Variants in TTC28 observed in about 807,000 individuals in gnomAD.
TTC28 encodes tetratricopeptide repeat domain 28, also known as tetratricopeptide repeat protein 28.
Under a neutral mutation model 198.0 loss-of-function variants are expected in TTC28, and 61 were observed. The observed-to-expected ratio is 0.31, with a 90% confidence interval of 0.25 to 0.38. TTC28 has a LOEUF of 0.38. TTC28 is among the 10% of genes least tolerant of loss of function. The pLI, the probability that TTC28 is intolerant of heterozygous loss-of-function variation, is 1.00. For missense variants in TTC28, 2,678 were observed against 3,164.0 expected (o/e 0.85, Z 3.69); for synonymous variants, 1,171 against 1,297.8 (o/e 0.90, Z 2.10).
At chr22:28,594,929 T>C (rs1165190036) in intron 2 of TTC28, among the ~76,000 whole-genome samples, 1 of 152,206 alleles carries the variant, frequency 6.6e-6, no homozygotes, top group African/African-American at 2.4e-5. Context: ...CTGGGGGTTA[T>C]AGTACATTAC....
At chr22:28,614,348 T>C (rs2050867257) in intron 2 of TTC28, among the ~76,000 whole-genome samples, 3 of 152,332 alleles carry the variant, frequency 2.0e-5, no homozygotes, top group East Asian at 3.9e-4. Flanking sequence ...AGAATCAATA[T>C]TGTGAAAATG....
At chr22:28,206,412 T>C (rs773530207) in intron 5 of TTC28, among the ~76,000 whole-genome samples, 1 of 152,178 alleles carries the variant, frequency 6.6e-6, no homozygotes, top group Non-Finnish European at 1.5e-5. Flanking sequence ...TTTCTAATCA[T>C]CTTTCAACTA....
chr22:28,151,612 G>C (rs1253606299), intron 6 of TTC28, among the ~76,000 whole-genome samples: 1 of 152,196 alleles, frequency 6.6e-6, no homozygotes, highest in Non-Finnish European at 1.5e-5. Flanking sequence ...CGATAGGTGT[G>C]GGGCACAGCA....
In TTC28 at chr22:28,101,241, T is replaced by C; in HGVS notation, c.3347A>G (p.Glu1116Gly). 1 of 1,551,754 alleles carries C rather than the reference T, an allele frequency of 6.4e-7. No individual in the cohort carries two copies. Among genetic ancestry groups the C allele is most frequent in the South Asian group, 1.2e-5 (1 of 83,910 alleles). ...LAEQLGRRED[E>G]AKIRHGLGLS... ...GCCAAGGCCATGGCGAATTTTTGCCTCATCTTCTCTTCGGCCCAGTTGCTC... is the reference window on the plus strand; with the variant it reads ...GCCAAGGCCATGGCGAATTTTTGCCCCATCTTCTCTTCGGCCCAGTTGCTC... The change falls in exon 9 of 23, where the codon GAG (glutamate) becomes GGG (glycine). Residue 1116 changes from glutamate (E) to glycine (G), a missense_variant. By Grantham distance (98) the Glu-to-Gly change is moderately conservative. Around this residue, in one of 8 missense-constraint regions of TTC28, gnomAD observed 727 missense variants for 861.9 expected, o/e 0.84. Transcript: ENST00000397906.
At chr22:28,633,584 T>C (rs2051215960) in intron 1 of TTC28, among the ~76,000 whole-genome samples, 1 of 152,052 alleles carries the variant, frequency 6.6e-6, no homozygotes, top group Non-Finnish European at 1.5e-5. Flanking sequence ...GCTGTGATCA[T>C]GCCACTTGCA....
In TTC28 at chr22:28,271,987, T is replaced by A. The variant is rs1048471045; in HGVS notation, c.933+24211A>T. ...TGTTATGTAAGACATGCCTTTTGCCTTCCGCCATGATTGTGAGGCCTTCCC... is the reference window on the plus strand; with the variant it reads ...TGTTATGTAAGACATGCCTTTTGCCATCCGCCATGATTGTGAGGCCTTCCC... On this transcript the variant is annotated intron_variant, in intron 5 of 22. Coordinates refer to ENST00000397906, the MANE Select transcript of TTC28 (RefSeq NM_001145418.2). Among the ~76,000 whole-genome samples the A allele has an allele frequency of 1.4e-4, 22 of 152,206 alleles. 1 individual carries two copies. The highest frequency in any genetic ancestry group is 3.2e-3 in the Middle Eastern group (1 of 316).
intron 5 of TTC28, among the ~76,000 whole-genome samples, chr22:28,171,435 T>C (rs1922662893): frequency 1.3e-5 from 2 of 152,284 alleles, no homozygotes; most frequent in Middle Eastern, 3.4e-3. Context: ...GGGGATGCTG[T>C]CCCTCCTGGA....
intron 5 of TTC28, among the ~76,000 whole-genome samples, chr22:28,166,049 C>G (rs1411281394): frequency 1.3e-5 from 2 of 152,144 alleles, no homozygotes; most frequent in Non-Finnish European, 2.9e-5. Context: ...GTAAAACAGA[C>G]TTTAAACCAA....
intron 2 of TTC28, among the ~76,000 whole-genome samples, chr22:28,390,170 C>T (rs976363727): frequency 5.3e-5 from 8 of 152,076 alleles, no homozygotes; most frequent in Non-Finnish European, 1.0e-4. Flanking sequence ...AGAATCTTAA[C>T]CCTGAGTTCT....
intron 12 of TTC28, among the ~76,000 whole-genome samples, chr22:28,084,936 T>G (rs1347620878): frequency 6.6e-6 from 1 of 151,812 alleles, no homozygotes; most frequent in Non-Finnish European, 1.5e-5. Context: ...ATGAATCAAA[T>G]GAAACGTGAA....
At chr22:28,465,639 A>G (rs1010624130) in intron 2 of TTC28, among the ~76,000 whole-genome samples, 1 of 152,068 alleles carries the variant, frequency 6.6e-6, no homozygotes, top group Non-Finnish European at 1.5e-5. Flanking sequence ...AAAAAAAATT[A>G]TGCCTTATCC....
chr22:28,656,931 T>C (rs1013657871), intron 1 of TTC28, among the ~76,000 whole-genome samples: 1 of 152,050 alleles, frequency 6.6e-6, no homozygotes, highest in Non-Finnish European at 1.5e-5. Context: ...AAAAAAACAG[T>C]ATCTAACATT....
At chr22:28,227,713 A>G (rs1016432863) in intron 5 of TTC28, among the ~76,000 whole-genome samples, 5 of 152,190 alleles carry the variant, frequency 3.3e-5, no homozygotes, top group African/African-American at 1.2e-4. Flanking sequence ...TGAAAAAAAA[A>G]AAACAAGTGT....
intron 2 of TTC28, among the ~76,000 whole-genome samples, chr22:28,368,094 C>T (rs1208735969): frequency 6.6e-6 from 1 of 151,918 alleles, no homozygotes; most frequent in Non-Finnish European, 1.5e-5. Context: ...AAACCAAAGA[C>T]ACATCAAAAA....
intron 5 of TTC28, among the ~76,000 whole-genome samples, chr22:28,290,388 G>C (rs141985141): frequency 6.6e-6 from 1 of 152,218 alleles, no homozygotes; most frequent in East Asian, 1.9e-4. Context: ...TAAGACTGCT[G>C]TTTGGGAGTG....
At chr22:28,378,489 A>G (rs1295845090) in intron 2 of TTC28, among the ~76,000 whole-genome samples, 2 of 151,894 alleles carry the variant, frequency 1.3e-5, no homozygotes, top group Non-Finnish European at 2.9e-5. Flanking sequence ...GGGAGACCCC[A>G]TCTCTACAAA....
At position 28,107,043 on chromosome 22, in the gene TTC28, T is replaced by C. The variant is rs1325586319; in HGVS notation, c.2783+19A>G. ...TTTTTGCAGAACTATAAACCACAAT[T>C]GTCCTTGGTCATTTTTACCTGTGTC... On this transcript the variant is annotated intron_variant, in intron 7 of 22. Coordinates refer to ENST00000397906, the MANE Select transcript of TTC28 (RefSeq NM_001145418.2). 2.6e-6 allele frequency: 4 copies of C among 1,534,620 alleles called. No individual in the cohort carries two copies. The highest frequency in any genetic ancestry group is 3.5e-6 in the Non-Finnish European group (4 of 1,136,630).
At chr22:28,386,896 G>C (rs969819637) in intron 2 of TTC28, among the ~76,000 whole-genome samples, 1 of 151,856 alleles carries the variant, frequency 6.6e-6, no homozygotes, top group African/African-American at 2.4e-5. Context: ...ACAATGTGCA[G>C]GTTTGTTACA....
At chr22:28,149,554 G>A (rs904949236) in intron 6 of TTC28, among the ~76,000 whole-genome samples, 2 of 152,146 alleles carry the variant, frequency 1.3e-5, no homozygotes, top group Non-Finnish European at 2.9e-5. Context: ...TGTTAAACTT[G>A]TTAAAAACTT....
Sources: allele counts gnomAD v4.1 joint callset (sites outside exome capture counted in the v4.1 genomes callset), GRCh38; gene constraint gnomAD v4.1.1; regional missense constraint gnomAD v4.1.1; transcripts MANE v1.5; gene names NCBI Gene and HGNC (gene_info 2026-07-23, HGNC 2026-07-21).